Variants in CDH9 observed in about 807,000 individuals in gnomAD.
CDH9 encodes cadherin-9.
Under a neutral mutation model 70.9 loss-of-function variants are expected in CDH9, and 28 were observed. The observed-to-expected ratio is 0.40, with a 90% CI of 0.29 to 0.54. The LOEUF is 0.54. Among genes scored for constraint, CDH9 ranks in the 20% least tolerant of loss-of-function variants. The pLI is 0.59. For synonymous variants in CDH9, 409 were observed against 343.1 expected, an observed-to-expected ratio of 1.19 and a Z score of -2.12; for missense variants, 874 against 984.4, an observed-to-expected ratio of 0.89 and a Z score of 1.50.
chr5:26,949,428 G>C (rs1741807615), intron 2 of CDH9, among the ~76,000 whole-genome samples: 2 of 152,186 alleles, frequency 1.3e-5, no homozygotes, highest in Admixed American at 1.3e-4. Context: ...CTTGTAAAAG[G>C]ATTAATATTC....
intron 1 of CDH9, among the ~76,000 whole-genome samples, chr5:27,019,694 T>A (rs1743104567): frequency 6.6e-6 from 1 of 151,852 alleles, no homozygotes; most frequent in African/African-American, 2.4e-5. Context: ...TGAGAAAATA[T>A]TGGTCATTCA....
At chr5:26,908,419 T>A (rs957516053) in intron 3 of CDH9, among the ~76,000 whole-genome samples, 1 of 152,130 alleles carries the variant, frequency 6.6e-6, no homozygotes, top group African/African-American at 2.4e-5. Context: ...GTTTTCACAA[T>A]TGGAGGTTAT....
intron 1 of CDH9, among the ~76,000 whole-genome samples, chr5:27,020,976 T>C (rs775087820): frequency 1.3e-5 from 2 of 151,862 alleles, no homozygotes; most frequent in Non-Finnish European, 2.9e-5. Context: ...AAGTGTTCAA[T>C]GGCTGATAAA....
intron 1 of CDH9, among the ~76,000 whole-genome samples, chr5:27,036,352 C>T (rs536061091): frequency 1.1e-4 from 16 of 151,962 alleles, no homozygotes; most frequent in African/African-American, 3.4e-4. Flanking sequence ...ATTCAACACA[C>T]GATTTATCAA....
In CDH9 at chr5:27,027,350, A is replaced by C. The variant is rs1250799963; in HGVS notation, c.-50+11113T>G. ...CCTATCTAATTTCAAGAACAATGAA[A>C]TTAATCATTAAATTAATCTAGGCCA... On this transcript the variant is annotated intron_variant, in intron 1 of 11. Coordinates refer to ENST00000231021, the MANE Select transcript of CDH9 (RefSeq NM_016279.4). Among the ~76,000 whole-genome samples, 45 of 152,052 alleles carry C rather than the reference A, an allele frequency of 3.0e-4. 2 individuals are homozygous for C. The highest frequency in any genetic ancestry group is 2.8e-3 in the Admixed American group (43 of 15,242).
chr5:26,982,678 T>A (rs1033141290), intron 2 of CDH9, among the ~76,000 whole-genome samples: 6 of 151,664 alleles, frequency 4.0e-5, no homozygotes, highest in African/African-American at 7.3e-5. Context: ...AATAAGTTTT[T>A]TTTGTTTTTT....
At chr5:26,923,096 A>T (rs1347711921) in intron 2 of CDH9, among the ~76,000 whole-genome samples, 4 of 150,774 alleles carry the variant, frequency 2.7e-5, no homozygotes, top group African/African-American at 9.7e-5. Context: ...ACACAAAAAA[A>T]AAACAAGACC....
chr5:27,002,826 A>G (rs533565335), intron 1 of CDH9, among the ~76,000 whole-genome samples: 49 of 152,216 alleles, frequency 3.2e-4, no homozygotes, highest in Non-Finnish European at 6.6e-4. Context: ...GTAAATGATG[A>G]GTTACTGGGT....
At chr5:26,908,363 T>C (rs1299741832) in intron 3 of CDH9, among the ~76,000 whole-genome samples, 1 of 151,990 alleles carries the variant, frequency 6.6e-6, no homozygotes, top group Non-Finnish European at 1.5e-5. Flanking sequence ...TTACATGTAA[T>C]GTCCTTTTTA....
chr5:26,923,378 A>G (rs2112014717), intron 2 of CDH9, among the ~76,000 whole-genome samples: 1 of 152,086 alleles, frequency 6.6e-6, no homozygotes, highest in South Asian at 2.1e-4. Context: ...ACAATTGTAA[A>G]TTGAGCAACC....
chr5:26,907,208 T>C (rs574371606), intron 3 of CDH9, among the ~76,000 whole-genome samples: 2 of 152,282 alleles, frequency 1.3e-5, no homozygotes, highest in East Asian at 1.9e-4. Flanking sequence ...TGGAAACATG[T>C]ATTTAAAAGA....
chr5:26,927,965 A>G (rs1428604327), intron 2 of CDH9, among the ~76,000 whole-genome samples: 1 of 152,060 alleles, frequency 6.6e-6, no homozygotes, highest in Admixed American at 6.6e-5. Context: ...GCCTTATGGC[A>G]GGAGAAAACA....
intron 2 of CDH9, among the ~76,000 whole-genome samples, chr5:26,984,263 C>G (rs1031996003): frequency 4.6e-5 from 7 of 152,114 alleles, no homozygotes; most frequent in African/African-American, 1.7e-4. Context: ...ATTAGCTCCA[C>G]GTTCCTTGCT....
intron 7 of CDH9, 193 bp from the exon 8 acceptor site, chr5:26,890,757 T>C (rs1372688909): frequency 1.9e-6 from 1 of 539,580 alleles, no homozygotes; most frequent in African/African-American, 1.9e-5. Context: ...TTCTACTTAC[T>C]ATATTATCCT....
chr5:26,890,625 CT>C (rs1740642841), intron 7 of CDH9, 61 bp from the exon 8 acceptor site: 2 of 1,209,818 alleles, frequency 1.7e-6, no homozygotes, highest in East Asian at 4.7e-5. Flanking sequence ...TCTACTCTTT[CT>C]TAAAGCTATA....
intron 1 of CDH9, among the ~76,000 whole-genome samples, chr5:27,007,863 T>A (rs1304565618): frequency 6.6e-6 from 1 of 152,134 alleles, no homozygotes; most frequent in East Asian, 1.9e-4. Context: ...CCCATAGTCA[T>A]AATTGAGGAG....
intron 1 of CDH9, among the ~76,000 whole-genome samples, chr5:27,012,198 T>A (rs1742970452): frequency 6.6e-6 from 1 of 152,000 alleles, no homozygotes; most frequent in South Asian, 2.1e-4. Flanking sequence ...TCTAGATTAC[T>A]TAAAATATGT....
chr5:27,033,962 G>T (rs866442135), intron 1 of CDH9, among the ~76,000 whole-genome samples: 19 of 151,494 alleles, frequency 1.3e-4, no homozygotes, highest in South Asian at 2.1e-4. Context: ...TGTCTCCCCT[G>T]TTATACAGCT....
chr5:26,968,538 G>A (rs755180056), intron 2 of CDH9, among the ~76,000 whole-genome samples: 10 of 151,940 alleles, frequency 6.6e-5, no homozygotes, highest in East Asian at 1.9e-4. Context: ...CACCCACCTC[G>A]GCCTCTCAAA....
Sources: gnomAD v4.1 joint callset for allele counts (sites outside exome capture counted in the v4.1 genomes callset) on GRCh38, gnomAD v4.1.1 for gene constraint, MANE v1.5 for transcripts, NCBI Gene and HGNC (gene_info 2026-07-23, HGNC 2026-07-21) for gene names.